CFAP52: variants seen among roughly 807,000 people sequenced by gnomAD.
CFAP52 encodes cilia- and flagella-associated protein 52.
In CFAP52, 57 loss-of-function variants were observed where a neutral mutation model predicts 70.5. The observed-to-expected ratio is 0.81, with a 90% CI of 0.65 to 1.01. The LOEUF (loss-of-function observed/expected upper bound fraction) is 1.01. CFAP52 is among the 50% of genes least tolerant of loss of function. CFAP52 has a pLI of 0.00. For synonymous variants in CFAP52, 267 were observed against 292.5 expected (o/e 0.91, Z 0.89); for missense variants, 785 against 788.5 (o/e 1.00, Z 0.05).
At chr17:9,637,286 T>C (rs932541744) in intron 11 of CFAP52, among the ~76,000 whole-genome samples, 11 of 152,168 alleles carry the variant, frequency 7.2e-5, no homozygotes, top group African/African-American at 2.4e-4. Context: ...AATATAGAAC[T>C]AGAAGGACAT....
At chr17:9,602,175 G>A (rs747511528) in intron 6 of CFAP52, among the ~76,000 whole-genome samples, 9 of 151,996 alleles carry the variant, frequency 5.9e-5, no homozygotes, top group South Asian at 2.1e-4. Flanking sequence ...TGTGCAGACC[G>A]TGCAGGTTTG....
intron 12 of CFAP52, among the ~76,000 whole-genome samples, chr17:9,640,635 T>C (rs1911010322): frequency 6.6e-6 from 1 of 151,988 alleles, no homozygotes; most frequent in South Asian, 2.1e-4. Flanking sequence ...TTTCTTAAGT[T>C]TATTCTGTTT....
chr17:9,591,964 C>A (rs534792902), intron 3 of CFAP52, among the ~76,000 whole-genome samples: 6 of 152,244 alleles, frequency 3.9e-5, no homozygotes, highest in African/African-American at 1.4e-4. Context: ...CAAAAGGATC[C>A]AAAATTCAAA....
chr17:9,642,556 G>C (rs566538447), intron 13 of CFAP52, among the ~76,000 whole-genome samples: 2 of 152,240 alleles, frequency 1.3e-5, no homozygotes, highest in South Asian at 4.2e-4. Flanking sequence ...CCTGGGAGGC[G>C]GAGGCTGCAG....
chr17:9,612,372 C>T lies in CFAP52; in HGVS notation c.918C>T (p.Leu306=), dbSNP rs139171654. The change falls in exon 8 of 14, where the codon CTC becomes CTT. Residue 306 remains leucine, a synonymous_variant. Coordinates refer to ENST00000352665, the MANE Select transcript of CFAP52 (RefSeq NM_145054.5). ...ITLRGEGHQF[L]VGTEESHIYR... Reference sequence around the variant, plus strand: ...TTCGAGGAGAAGGACACCAGTTTCTCGTAGGAACAGAAGAATCGCACATTT... The same window carrying T: ...TTCGAGGAGAAGGACACCAGTTTCTTGTAGGAACAGAAGAATCGCACATTT... 2.7e-5 allele frequency: 44 copies of T among 1,614,206 alleles called. No homozygotes were observed. The Middle Eastern group carries it at 6.6e-4, about 24-fold the overall frequency.
chr17:9,628,714 C>G lies in CFAP52; in HGVS notation c.1068C>G (p.Ile356Met). 1.2e-6 allele frequency: 2 copies of G among 1,614,150 alleles called. No homozygotes were observed. Among genetic ancestry groups the G allele is most frequent in the Non-Finnish European group, 1.7e-6 (2 of 1,180,028 alleles). ...ELFATCAKKD[I>M]RVWHTSSNRE... ...TTGCAACCTGTGCCAAGAAGGATATCAGGGTGTGGCACACATCATCCAACA... is the reference window on the plus strand; with the variant it reads ...TTGCAACCTGTGCCAAGAAGGATATGAGGGTGTGGCACACATCATCCAACA... Residue 356 changes from isoleucine (I) to methionine (M), a missense_variant, in exon 9 of 14, where the codon ATC (isoleucine) becomes ATG (methionine). Ile to Met is a conservative substitution (Grantham distance 10). Coordinates refer to ENST00000352665, the MANE Select transcript of CFAP52 (RefSeq NM_145054.5).
At chr17:9,577,892 G>C (rs1351558005) in intron 1 of CFAP52, among the ~76,000 whole-genome samples, 1 of 152,152 alleles carries the variant, frequency 6.6e-6, no homozygotes, top group African/African-American at 2.4e-5. Flanking sequence ...AGGAGTTCGA[G>C]ACCATCCTGT....
chr17:9,608,933 G>A (rs1909613386), intron 7 of CFAP52, among the ~76,000 whole-genome samples: 1 of 152,150 alleles, frequency 6.6e-6, no homozygotes, highest in African/African-American at 2.4e-5. Flanking sequence ...TAGGATATTA[G>A]CACATGGTCC....
At chr17:9,604,800 A>T (rs1359709573) in intron 6 of CFAP52, among the ~76,000 whole-genome samples, 4 of 151,142 alleles carry the variant, frequency 2.6e-5, no homozygotes, top group Non-Finnish European at 5.9e-5. Flanking sequence ...TAAATAAATA[A>T]ATAAAAGAAG....
In CFAP52 at chr17:9,588,122, A is replaced by G. The variant is rs538840534; in HGVS notation, c.407+1288A>G. ...GCTTTGGTCAAGGATAGGCCAAGGT[A>G]GGATGTTTACATCCTGCGTGACTCA... On this transcript the variant is annotated intron_variant, in intron 3 of 13. Coordinates refer to ENST00000352665, the MANE Select transcript of CFAP52 (RefSeq NM_145054.5). Among the ~76,000 whole-genome samples, 14 of 152,354 alleles carry G rather than the reference A, an allele frequency of 9.2e-5. 2 individuals carry two copies. In the South Asian group the frequency reaches 2.9e-3, roughly 32 times the overall value.
intron 11 of CFAP52, among the ~76,000 whole-genome samples, chr17:9,636,174 CAAAA>C (rs562065794): frequency 6.3e-5 from 5 of 78,756 alleles, no homozygotes; most frequent in East Asian, 6.1e-4. Flanking sequence ...AACTCTGTCT[CAAAA>C]AAAAGAAAGA....
chr17:9,577,275 T>G (rs999638142), intron 1 of CFAP52, among the ~76,000 whole-genome samples: 5 of 152,220 alleles, frequency 3.3e-5, no homozygotes, highest in Non-Finnish European at 7.3e-5. Flanking sequence ...GGGATGTTGT[T>G]GGTCCTCTAA....
At chr17:9,606,327 G>A (rs1056961965) in intron 6 of CFAP52, among the ~76,000 whole-genome samples, 8 of 152,056 alleles carry the variant, frequency 5.3e-5, no homozygotes, top group Non-Finnish European at 1.2e-4. Context: ...TGGTTACAGT[G>A]AGCTGTGATT....
chr17:9,638,859 A>G, intron 12 of CFAP52, 148 bp downstream of exon 12: 1 of 692,186 alleles, frequency 1.4e-6, no homozygotes, highest in East Asian at 2.7e-5. Flanking sequence ...TGGAAAGGCC[A>G]TATCACCTTC....
chr17:9,640,568 C>T (rs554843674), intron 12 of CFAP52, among the ~76,000 whole-genome samples: 1 of 152,262 alleles, frequency 6.6e-6, no homozygotes, highest in East Asian at 1.9e-4. Context: ...CGGCAAAGGA[C>T]ATGATCTTGT....
chr17:9,592,161 C>G (rs915407174), intron 3 of CFAP52, among the ~76,000 whole-genome samples: 9 of 151,672 alleles, frequency 5.9e-5, no homozygotes, highest in African/African-American at 2.2e-4. Flanking sequence ...TTCAACACCC[C>G]AAAAAGAAAC....
At chr17:9,644,493 T>C (rs570385951), downstream of CFAP52, among the ~76,000 whole-genome samples, 162 of 152,038 alleles carry the variant, frequency 1.1e-3, no homozygotes, top group Admixed American at 1.1e-3. Flanking sequence ...CACATGGTGC[T>C]GATCTCTTCC....
chr17:9,579,531 C>T (rs1319199768), intron 1 of CFAP52, among the ~76,000 whole-genome samples: 3 of 152,070 alleles, frequency 2.0e-5, no homozygotes, highest in African/African-American at 7.2e-5. Context: ...CCTTTTTTCA[C>T]TGCAACACTG....
At chr17:9,622,277 G>C (rs1364700853) in intron 8 of CFAP52, among the ~76,000 whole-genome samples, 1 of 152,188 alleles carries the variant, frequency 6.6e-6, no homozygotes, top group East Asian at 1.9e-4. Context: ...GCCAGGTGCA[G>C]TGGCTCTTGC....
Sources: allele counts gnomAD v4.1 joint callset (sites outside exome capture counted in the v4.1 genomes callset), GRCh38; gene constraint gnomAD v4.1.1; transcripts MANE v1.5; gene names NCBI Gene and HGNC (gene_info 2026-07-23, HGNC 2026-07-21).